Variants in CD79A observed in about 807,000 individuals in gnomAD.
CD79A encodes the protein B-cell antigen receptor complex-associated protein alpha chain.
Under a neutral mutation model 27.4 loss-of-function variants are expected in CD79A, and 16 were observed. The ratio of observed to expected loss-of-function variants is 0.58; its 90% CI spans 0.40 to 0.89. The LOEUF (loss-of-function observed/expected upper bound fraction) is 0.89. CD79A is among the 40% of genes least tolerant of loss of function. CD79A has a pLI of 0.00. For synonymous variants in CD79A, 110 were observed against 132.7 expected (o/e 0.83, Z 1.18); for missense variants, 237 against 299.7 (o/e 0.79, Z 1.55).
In CD79A at chr19:41,878,974, C is replaced by G; in HGVS notation, c.80-16C>G. The G allele has an allele frequency of 6.6e-7, 1 of 1,521,880 alleles. No individual in the cohort carries two copies. Among genetic ancestry groups the G allele is most frequent in the Non-Finnish European group, 9.1e-7 (1 of 1,102,088 alleles). 94.3% of individuals were successfully genotyped at this position (1,521,880 alleles called of 1,614,324 possible). The stretch of plus-strand genomic sequence containing the variant: ...CCATCCCCAGTCCCTGACCCACCCA[C>G]CCTGTCTCTCCACAGGCCCTGGGTG... On this transcript the variant is annotated splice_polypyrimidine_tract_variant and intron_variant, in intron 1 of 4. Coordinates refer to ENST00000221972, the MANE Select transcript of CD79A (RefSeq NM_001783.4). This position sits in a 1 kb window ranked among gnomAD's most constrained non-coding sequence, Gnocchi z 4.3.
rs2074218249 is a variant in CD79A, at chr19:41,880,658, C to T, written c.499-12C>T. 1 of 1,468,396 alleles carries T rather than the reference C, an allele frequency of 6.8e-7. No individual in the cohort carries two copies. The highest frequency in any genetic ancestry group is 9.3e-7 in the Non-Finnish European group (1 of 1,071,896). 91.0% of individuals were successfully genotyped at this position (1,468,396 alleles called of 1,614,324 possible). A position where few individuals can be genotyped will look rare whatever the true frequency, so the allele number is the denominator to read the frequency against. On this transcript the variant is annotated splice_polypyrimidine_tract_variant and intron_variant, in intron 3 of 4. Coordinates refer to ENST00000221972, the MANE Select transcript of CD79A (RefSeq NM_001783.4). ...CTGCTCACTGAGGCACCCACCCCAC[C>T]CACCCCTACAGAAACGATGGCAGAA... is the stretch of plus-strand genomic sequence containing the variant.
Position 41,881,027 on chromosome 19 carries a change from CCA to C in CD79A, c.*48_*49del, listed in dbSNP as rs1276824731. On this transcript the variant is annotated 3_prime_UTR_variant, in exon 5 of 5. Transcript: ENST00000221972. Reference sequence around the variant, plus strand: ...GCCCCCGCCTGCTGTGCACCCAGCTCCAGTGTCTCAGCTCACTTCCCTGGGAC... The same window carrying C: ...GCCCCCGCCTGCTGTGCACCCAGCTCGTGTCTCAGCTCACTTCCCTGGGAC... The C allele has an allele frequency of 8.9e-7, 1 of 1,120,556 alleles. No homozygotes were observed. The highest frequency in any genetic ancestry group is 1.3e-6 in the Non-Finnish European group (1 of 763,508). The allele number at this position is 1,120,556 out of a possible 1,614,324, so 69.4% of individuals were successfully genotyped here. A position where few individuals can be genotyped will look rare whatever the true frequency, so the allele number is the denominator to read the frequency against.
In CD79A at chr19:41,878,505, TGGCTGA is replaced by T. The variant is rs1448989949; in HGVS notation, c.80-479_80-474del. Among the ~76,000 whole-genome samples the T allele has an allele frequency of 4.6e-5, 7 of 152,146 alleles. No homozygotes were observed. The highest frequency in any genetic ancestry group is 7.4e-5 in the Non-Finnish European group (5 of 67,998). ...AAGAAAAAGCGCCAGGTGCTGGGCC[TGGCTGA>T]GGCTGGGGTGCAAAAATGGACCGGG... On this transcript the variant is annotated intron_variant, in intron 1 of 4. Coordinates refer to ENST00000221972, the MANE Select transcript of CD79A (RefSeq NM_001783.4). This position sits in a 1 kb window ranked among gnomAD's most constrained non-coding sequence, Gnocchi z 4.3.
intron 4 of CD79A, 56 bp from the exon 5 acceptor site, chr19:41,880,811 G>A (rs375371429): frequency 2.6e-6 from 4 of 1,516,622 alleles, no homozygotes; most frequent in East Asian, 2.4e-5. Context: ...GGGTGGCTGG[G>A]GGCAGGGACC....
rs782589425 is a variant in CD79A, at chr19:41,879,699, C to G, written c.498+46C>G. 2 of 1,334,878 alleles carry G rather than the reference C, an allele frequency of 1.5e-6. No homozygotes were observed. The highest frequency in any genetic ancestry group is 2.3e-5 in the East Asian group (1 of 43,344). 82.7% of individuals were successfully genotyped at this position (1,334,878 alleles called of 1,614,324 possible). On this transcript the variant is annotated intron_variant, in intron 3 of 4. Transcript: ENST00000221972. The surrounding 1 kb of genome is among the most constrained non-coding windows in gnomAD (Gnocchi z 5.1). ...GAGTCAGCCGGGCGAGGGCCTGGGC[C>G]GAGGGACCCCCAATACCCAGGTAGC...
rs1428008319 is a variant in CD79A at position 41,877,823 on chromosome 19, G to C, written c.79+440G>C. Among the ~76,000 whole-genome samples, 1 of 152,124 alleles carries C rather than the reference G, an allele frequency of 6.6e-6. No homozygotes were observed. The highest frequency in any genetic ancestry group is 1.5e-5 in the Non-Finnish European group (1 of 68,020). On this transcript the variant is annotated intron_variant, in intron 1 of 4. Transcript: ENST00000221972. This position sits in a 1 kb window ranked among gnomAD's most constrained non-coding sequence, Gnocchi z 4.1. ...GTCCCTTCTCAGCACTGGGGGAATG[G>C]GTGTCTCATGGACTCCCCCTCACCT...
chr19:41,880,882 G>A lies in CD79A; in HGVS notation c.583G>A (p.Asp195Asn), dbSNP rs782658262. The A allele has an allele frequency of 5.6e-6, 9 of 1,604,096 alleles. No individual in the cohort carries two copies. The African/African-American group carries it at 8.0e-5, about 14-fold the overall frequency. Residue 195 changes from aspartate (D) to asparagine (N), a missense_variant, in exon 5 of 5, where the codon GAC becomes AAC. Physicochemically the swap from Asp to Asn is conservative, Grantham distance 23. Transcript: ENST00000221972. ...TCCATCCCAGGGCCTGAACCTGGAC[G>A]ACTGCTCCATGTATGAGGACATCTC... ...ENLYEGLNLD[D>N]CSMYEDISRG...
rs782207639 is a variant in CD79A, at chr19:41,879,245, A to G, written c.335A>G (p.Asn112Ser). ...TACGTGTGCCGGGTCCAGGAGGGCA[A>G]CGAGTCATACCAGCAGTCCTGCGGC... is the stretch of plus-strand genomic sequence containing the variant. Reference protein sequence around the residue: ...GIYVCRVQEGNESYQQSCGTY... With the variant: ...GIYVCRVQEGSESYQQSCGTY... The change falls in exon 2 of 5, where the codon AAC becomes AGC. Residue 112 changes from asparagine to serine, a missense_variant. Transcript: ENST00000221972. The surrounding 1 kb of genome is among the most constrained non-coding windows in gnomAD (Gnocchi z 5.1). The G allele has an allele frequency of 9.9e-6, 16 of 1,613,436 alleles. No individual in the cohort carries two copies. Among genetic ancestry groups the G allele is most frequent in the Non-Finnish European group, 1.3e-5 (15 of 1,180,002 alleles).
intron 3 of CD79A, 21 bp from the exon 4 acceptor site, chr19:41,880,649 C>A: frequency 1.3e-5 from 7 of 538,144 alleles, no homozygotes; most frequent in African/African-American, 2.0e-5. Flanking sequence ...ACTGAGGCAC[C>A]CACCCCACCC....
Position 41,877,443 on chromosome 19 carries a change from A to C in CD79A, c.79+60A>C. 7.2e-7 allele frequency: 1 copy of C among 1,391,180 alleles called. No homozygotes were observed. Among genetic ancestry groups the C allele is most frequent in the Admixed American group, 1.7e-5 (1 of 59,660 alleles). The allele number at this position is 1,391,180 out of a possible 1,614,324, so 86.2% of individuals were successfully genotyped here. ...GGGGGAAGCTGTGGAGGCTGCAGAGAGGGCACAGGCAGAGGGAAGGGGGCT... is the reference window on the plus strand; with the variant it reads ...GGGGGAAGCTGTGGAGGCTGCAGAGCGGGCACAGGCAGAGGGAAGGGGGCT... On this transcript the variant is annotated intron_variant, in intron 1 of 4. Transcript: ENST00000221972. The surrounding 1 kb of genome is among the most constrained non-coding windows in gnomAD (Gnocchi z 4.1).
Position 41,879,280 on chromosome 19 carries a change from C to T in CD79A, c.370C>T (p.Arg124Cys), listed in dbSNP as rs144006380. ...CCAGCAGTCCTGCGGCACCTACCTC[C>T]GCGTGCGCCGTGAGTGGCCCAGCCC... ...SYQQSCGTYL[R>C]VRQPPPRPFL... The change falls in exon 2 of 5, where the codon CGC (arginine) becomes TGC (cysteine). Residue 124 changes from arginine (R) to cysteine (C), a missense_variant. By Grantham distance (180) the Arg-to-Cys change is radical (BLOSUM62 -3). Coordinates refer to ENST00000221972, the MANE Select transcript of CD79A (RefSeq NM_001783.4). This position sits in a 1 kb window ranked among gnomAD's most constrained non-coding sequence, Gnocchi z 5.1. 379 of 1,612,408 alleles carry T rather than the reference C, an allele frequency of 2.4e-4. No homozygotes were observed. Among genetic ancestry groups the T allele is most frequent in the Non-Finnish European group, 2.9e-4 (344 of 1,179,888 alleles).
rs782110924 is a variant in CD79A at position 41,879,158 on chromosome 19, C to T, written c.248C>T (p.Pro83Leu). The part of the protein sequence containing the change: ...NYTWPPEFLG[P>L]GEDPNGTLII... ...ACGTGGCCCCCTGAGTTCTTGGGCCCGGGCGAGGACCCCAATGGTACGCTG... is the reference window on the plus strand; with the variant it reads ...ACGTGGCCCCCTGAGTTCTTGGGCCTGGGCGAGGACCCCAATGGTACGCTG... The change falls in exon 2 of 5, where the codon CCG becomes CTG. Residue 83 changes from proline (P) to leucine (L), a missense_variant. Physicochemically the swap from Pro to Leu is moderately conservative, Grantham distance 98. Coordinates refer to ENST00000221972, the MANE Select transcript of CD79A (RefSeq NM_001783.4). The surrounding 1 kb of genome is among the most constrained non-coding windows in gnomAD (Gnocchi z 5.1). 7.4e-6 allele frequency: 12 copies of T among 1,614,016 alleles called. No individual in the cohort carries two copies. The highest frequency in any genetic ancestry group is 8.5e-6 in the Non-Finnish European group (10 of 1,180,018).
chr19:41,878,885 A>T lies in CD79A; in HGVS notation c.80-105A>T. ...CTCTCTCTCTCCCTCCCCACCCAGG[A>T]GAGTCCTCACCCTCTTCCCAGGAGT... On this transcript the variant is annotated intron_variant, in intron 1 of 4. Coordinates refer to ENST00000221972, the MANE Select transcript of CD79A (RefSeq NM_001783.4). The surrounding 1 kb of genome is among the most constrained non-coding windows in gnomAD (Gnocchi z 4.3). The T allele has an allele frequency of 1.1e-6, 1 of 878,286 alleles. No homozygotes were observed. 54.4% of individuals were successfully genotyped at this position (878,286 alleles called of 1,614,324 possible).
In CD79A at chr19:41,880,723, T is replaced by C. The variant is rs1167492507; in HGVS notation, c.552T>C (p.Asp184=). The C allele has an allele frequency of 2.8e-5, 42 of 1,491,998 alleles. No individual in the cohort carries two copies. The highest frequency in any genetic ancestry group is 3.7e-5 in the Non-Finnish European group (41 of 1,114,212). 92.4% of individuals were successfully genotyped at this position (1,491,998 alleles called of 1,614,324 possible). Residue 184 remains aspartate (D), a synonymous_variant, in exon 4 of 5, where the codon GAT becomes GAC. Coordinates refer to ENST00000221972, the MANE Select transcript of CD79A (RefSeq NM_001783.4). ...LGLDAGDEYE[D]ENLYEGLNLD... is the part of the protein sequence containing the mutation. ...TGGATGCCGGGGATGAATATGAAGA[T>C]GAAAACCTTTATGAAGTGAGTGAAG...
Position 41,878,850 on chromosome 19 carries a change from CT to C in CD79A, c.80-139del, listed in dbSNP as rs1481508865. The C allele has an allele frequency of 3.0e-6, 2 of 676,076 alleles. No individual in the cohort carries two copies. The highest frequency in any genetic ancestry group is 1.8e-5 in the African/African-American group (1 of 55,684). 41.9% of individuals were successfully genotyped at this position (676,076 alleles called of 1,614,324 possible). A position where few individuals can be genotyped will look rare whatever the true frequency, so the allele number is the denominator to read the frequency against. On this transcript the variant is annotated intron_variant, in intron 1 of 4. Transcript: ENST00000221972. The surrounding 1 kb of genome is among the most constrained non-coding windows in gnomAD (Gnocchi z 4.3). ...CCCTCTCCCCAGGATGTATCAGCCC[CT>C]GTCAGGGGCTCTCTCTCTCCCTCCC...
chr19:41,879,693 C>A lies in CD79A; in HGVS notation c.498+40C>A, dbSNP rs782682276. ...ACCTCTGAGTCAGCCGGGCGAGGGCCTGGGCCGAGGGACCCCCAATACCCA... is the reference window on the plus strand; with the variant it reads ...ACCTCTGAGTCAGCCGGGCGAGGGCATGGGCCGAGGGACCCCCAATACCCA... On this transcript the variant is annotated intron_variant, in intron 3 of 4. Transcript: ENST00000221972. This position sits in a 1 kb window ranked among gnomAD's most constrained non-coding sequence, Gnocchi z 5.1. 2.1e-6 allele frequency: 3 copies of A among 1,413,572 alleles called. No homozygotes were observed. The highest frequency in any genetic ancestry group is 3.0e-6 in the Non-Finnish European group (3 of 1,002,834). 87.6% of individuals were successfully genotyped at this position (1,413,572 alleles called of 1,614,324 possible).
At position 41,879,871 on chromosome 19, in the gene CD79A, T is replaced by G. The variant is rs1555843845; in HGVS notation, c.498+218T>G. 1.3e-5 allele frequency among the ~76,000 whole-genome samples: 2 copies of G among 152,142 alleles called. No individual in the cohort carries two copies. The highest frequency in any genetic ancestry group is 2.9e-5 in the Non-Finnish European group (2 of 68,028). Reference sequence around the variant, plus strand: ...GGGTGTCTTCAATTTAGTTTCCCCTTCTGGGCTGTCCTCACGTCCACCTCC... The same window carrying G: ...GGGTGTCTTCAATTTAGTTTCCCCTGCTGGGCTGTCCTCACGTCCACCTCC... On this transcript the variant is annotated intron_variant, in intron 3 of 4. Transcript: ENST00000221972. The surrounding 1 kb of genome is among the most constrained non-coding windows in gnomAD (Gnocchi z 5.1).
intron 4 of CD79A, 58 bp from the exon 5 acceptor site, chr19:41,880,809 G>T: frequency 1.3e-6 from 2 of 1,509,472 alleles, no homozygotes; most frequent in African/African-American, 1.4e-5. Flanking sequence ...GGGGGTGGCT[G>T]GGGGCAGGGA....
chr19:41,879,374 C>A lies in CD79A; in HGVS notation c.379+85C>A. 1 of 1,392,012 alleles carries A rather than the reference C, an allele frequency of 7.2e-7. No individual in the cohort carries two copies. Among genetic ancestry groups the A allele is most frequent in the East Asian group, 2.4e-5 (1 of 41,284 alleles). The allele number at this position is 1,392,012 out of a possible 1,614,324, so 86.2% of individuals were successfully genotyped here. ...TTTGAAGTGGGGATAGAGCCAGTAC[C>A]TTCAATGTGGGTTTCAAACCGGCTT... is the stretch of plus-strand genomic sequence containing the variant. On this transcript the variant is annotated intron_variant, in intron 2 of 4. Coordinates refer to ENST00000221972, the MANE Select transcript of CD79A (RefSeq NM_001783.4). The surrounding 1 kb of genome is among the most constrained non-coding windows in gnomAD (Gnocchi z 5.1).
Sources: allele counts gnomAD v4.1 joint callset (sites outside exome capture counted in the v4.1 genomes callset), GRCh38; gene constraint gnomAD v4.1.1; non-coding constraint Gnocchi (gnomAD v3.1); transcripts MANE v1.5; gene names NCBI Gene and HGNC (gene_info 2026-07-23, HGNC 2026-07-21).